The following SLC13A1 variants were observed in gnomAD, a reference collection of about 807,000 sequenced individuals.
SLC13A1 encodes the protein solute carrier family 13 member 1.
SLC13A1 carries 65 observed loss-of-function variants against 70.0 expected under a neutral mutation model. That is an observed-to-expected ratio of 0.93 (90% CI 0.76 to 1.14). The LOEUF is 1.14. SLC13A1 is among the 50% of genes most tolerant of loss of function. The pLI is 0.00. For missense variants in SLC13A1, 726 were observed against 717.8 expected (o/e 1.01, Z -0.13); for synonymous variants, 275 against 250.5 (o/e 1.10, Z -0.92).
intron 1 of SLC13A1, chr7:123,190,752 A>C (rs1440974694): frequency 3.2e-5 from 13 of 403,850 alleles, no homozygotes; most frequent in South Asian, 2.4e-4. Flanking sequence ...GAAAAAGGAG[A>C]AGTTGCCCCT....
intron 6 of SLC13A1, among the ~76,000 whole-genome samples, chr7:123,157,512 T>G (rs1277033449): frequency 6.6e-6 from 1 of 152,228 alleles, no homozygotes; most frequent in East Asian, 1.9e-4. Context: ...TTAAAAAATT[T>G]TATTGCCCTA....
At chr7:123,147,991 T>C (rs558678331) in intron 6 of SLC13A1, among the ~76,000 whole-genome samples, 22 of 152,256 alleles carry the variant, frequency 1.4e-4, no homozygotes, top group African/African-American at 5.3e-4. Flanking sequence ...CACACCTTAA[T>C]GGATGGTTCC....
intron 1 of SLC13A1, among the ~76,000 whole-genome samples, chr7:123,193,593 T>C (rs1164716270): frequency 6.6e-6 from 1 of 152,214 alleles, no homozygotes. Flanking sequence ...TTTAAAGATC[T>C]GATATAAATA....
At chr7:123,121,970 C>G (rs1288392375) in intron 12 of SLC13A1, among the ~76,000 whole-genome samples, 1 of 152,056 alleles carries the variant, frequency 6.6e-6, no homozygotes, top group Non-Finnish European at 1.5e-5. Context: ...AGACATTTGG[C>G]TCTGTATATT....
intron 2 of SLC13A1, among the ~76,000 whole-genome samples, chr7:123,176,428 G>T (rs1247896351): frequency 6.6e-6 from 1 of 152,066 alleles, no homozygotes; most frequent in South Asian, 2.1e-4. Flanking sequence ...ATATCTATTT[G>T]CAAGATCAAC....
chr7:123,175,632 C>A (rs1795421797), intron 2 of SLC13A1, among the ~76,000 whole-genome samples: 1 of 152,140 alleles, frequency 6.6e-6, no homozygotes, highest in Non-Finnish European at 1.5e-5. Context: ...ACCATACACT[C>A]AATCTGCCAG....
intron 6 of SLC13A1, among the ~76,000 whole-genome samples, chr7:123,154,507 G>C (rs938612664): frequency 4.6e-5 from 7 of 152,032 alleles, no homozygotes; most frequent in Non-Finnish European, 7.4e-5. Context: ...CGTATACTTT[G>C]TATCATCCTC....
At chr7:123,151,891 G>C (rs1025186601) in intron 6 of SLC13A1, among the ~76,000 whole-genome samples, 5 of 151,964 alleles carry the variant, frequency 3.3e-5, no homozygotes, top group African/African-American at 4.8e-5. Flanking sequence ...CTCCACTGTT[G>C]TCACCCTGGT....
chr7:123,149,888 T>C (rs558631759), intron 6 of SLC13A1, among the ~76,000 whole-genome samples: 18 of 152,326 alleles, frequency 1.2e-4, no homozygotes, highest in African/African-American at 4.3e-4. Flanking sequence ...GATTCCATGG[T>C]ACACCATTTC....
rs573756878 is a variant in SLC13A1, at chr7:123,136,797, G to A, written c.813-2268C>T. Among the ~76,000 whole-genome samples the A allele has an allele frequency of 2.9e-4, 44 of 152,258 alleles. No homozygotes were observed. In the East Asian group the frequency reaches 2.9e-3, roughly 10 times the overall value. ...TGATTGGGGAAGGGGGAAATTTTAC[G>A]TAATGCCATCAGAGAAGGTAACATT... On this transcript the variant is annotated intron_variant, in intron 7 of 14. Transcript: ENST00000194130.
intron 1 of SLC13A1, among the ~76,000 whole-genome samples, chr7:123,189,620 GAT>G (rs1047284752): frequency 6.6e-6 from 1 of 152,040 alleles, no homozygotes; most frequent in Non-Finnish European, 1.5e-5. Flanking sequence ...TATGAAGTAA[GAT>G]ATAGCTTTAA....
At chr7:123,193,492 C>A (rs943282285) in intron 1 of SLC13A1, among the ~76,000 whole-genome samples, 1 of 152,158 alleles carries the variant, frequency 6.6e-6, no homozygotes, top group Non-Finnish European at 1.5e-5. Flanking sequence ...GAGGTTACTA[C>A]GTGATCCAGG....
At chr7:123,148,956 T>A (rs1235414828) in intron 6 of SLC13A1, among the ~76,000 whole-genome samples, 1 of 152,194 alleles carries the variant, frequency 6.6e-6, no homozygotes, top group African/African-American at 2.4e-5. Flanking sequence ...ATGGTATTAG[T>A]ACTTTCCAGG....
intron 10 of SLC13A1, 101 bp downstream of exon 10, chr7:123,128,744 G>C: frequency 1.3e-6 from 1 of 745,412 alleles, no homozygotes. Context: ...GGGAAAGAAA[G>C]AAAAATATCT....
intron 7 of SLC13A1, among the ~76,000 whole-genome samples, chr7:123,142,400 C>T (rs1794185329): frequency 6.6e-6 from 1 of 152,122 alleles, no homozygotes; most frequent in East Asian, 1.9e-4. Context: ...GTCAAGGAAT[C>T]AGAGACCTTA....
intron 9 of SLC13A1, 43 bp from the exon 10 acceptor site, chr7:123,128,989 C>T (rs757855694): frequency 1.1e-5 from 15 of 1,349,606 alleles, no homozygotes; most frequent in Admixed American, 1.7e-5. Context: ...TTTTCTCAGT[C>T]GGGACATTTG....
chr7:123,185,624 G>T (rs1299776818), intron 1 of SLC13A1, among the ~76,000 whole-genome samples: 1 of 151,958 alleles, frequency 6.6e-6, no homozygotes, highest in Non-Finnish European at 1.5e-5. Context: ...CTTCTCTATG[G>T]TTTAATTGGT....
intron 1 of SLC13A1, among the ~76,000 whole-genome samples, chr7:123,191,528 G>A (rs1024765156): frequency 6.6e-6 from 1 of 152,108 alleles, no homozygotes; most frequent in African/African-American, 2.4e-5. Context: ...GATCCTAATT[G>A]TCTAAAACCT....
At chr7:123,189,093 C>T (rs1484928858) in intron 1 of SLC13A1, among the ~76,000 whole-genome samples, 4 of 109,000 alleles carry the variant, frequency 3.7e-5, no homozygotes, top group East Asian at 2.7e-4. Context: ...CCAGCCTGGG[C>T]GACAGAGCGA....
Sources: gnomAD v4.1 joint callset for allele counts (sites outside exome capture counted in the v4.1 genomes callset) on GRCh38, gnomAD v4.1.1 for gene constraint, MANE v1.5 for transcripts, NCBI Gene and HGNC (gene_info 2026-07-23, HGNC 2026-07-21) for gene names.